HPD: variants seen among roughly 807,000 people sequenced by gnomAD.
HPD encodes the protein 4-hydroxyphenylpyruvate dioxygenase.
Under a neutral mutation model 56.9 loss-of-function variants are expected in HPD, and 35 were observed. The observed-to-expected ratio is 0.62, with a 90% confidence interval of 0.47 to 0.82. The LOEUF (loss-of-function observed/expected upper bound fraction) is 0.82. Ranked by LOEUF, HPD falls within the 40% of genes least tolerant of loss-of-function variation. The probability of loss-of-function intolerance (pLI) is 0.00; values close to 1 mark genes in which losing one functional copy is unlikely to be tolerated. For missense variants in HPD, 442 were observed against 506.8 expected, an observed-to-expected ratio of 0.87 and a Z score of 1.23; for synonymous variants, 186 against 200.2, an observed-to-expected ratio of 0.93 and a Z score of 0.60.
rs1877705055 is a variant in HPD at position 121,849,790 on chromosome 12, A to T, written c.415T>A (p.Tyr139Asn). Residue 139 changes from tyrosine (Y) to asparagine (N), a missense_variant and splice_region_variant, in exon 8 of 14, where the codon TAT (tyrosine) becomes AAT (asparagine). Transcript: ENST00000289004. ...ACCAGGGTGTGTGTGGTGTCCCCAT[A>T]CTACGGGTGGAAAACAGCCTGGCTC... ...GKVKFAVLQTYGDTTHTLVEK... is the reference protein window; with the variant it reads ...GKVKFAVLQTNGDTTHTLVEK... The T allele has an allele frequency of 3.1e-6, 5 of 1,609,452 alleles. 1 individual carries two copies. In the South Asian group the frequency reaches 4.4e-5, roughly 14 times the overall value.
At chr12:121,846,841 G>C in intron 11 of HPD, 21 bp downstream of exon 11, 8 of 1,612,278 alleles carry the variant, frequency 5.0e-6, no homozygotes, top group Non-Finnish European at 5.9e-6. Context: ...GAGGAATTCG[G>C]ACAGGGAAGG....
the HPD span, among the ~76,000 whole-genome samples, chr12:121,885,047 C>T: frequency 1.3e-5 from 2 of 152,094 alleles, no homozygotes; most frequent in Middle Eastern, 3.4e-3. Flanking sequence ...CCTGCCACCA[C>T]GCCCAGCTGA....
the HPD span, among the ~76,000 whole-genome samples, chr12:121,870,847 C>G: frequency 6.6e-6 from 1 of 151,894 alleles, no homozygotes; most frequent in African/African-American, 2.4e-5. Flanking sequence ...CCGCCCGCCT[C>G]GGTCTCCCAA....
At chr12:121,856,253 AG>A in intron 6 of HPD, 70 bp downstream of exon 6, 2 of 1,173,118 alleles carry the variant, frequency 1.7e-6, no homozygotes, top group Non-Finnish European at 2.6e-6. Flanking sequence ...GTGTCCTTCC[AG>A]CCCTGACTGA....
At chr12:121,862,975 C>T (rs1311219141), upstream of HPD, among the ~76,000 whole-genome samples, 4 of 150,404 alleles carry the variant, frequency 2.7e-5, no homozygotes, top group East Asian at 3.9e-4. Flanking sequence ...CCACCGCGCC[C>T]GGCACCCCCC....
Position 121,839,791 on chromosome 12 carries a change from C to T in HPD, c.1119G>A (p.Glu373=). 2 of 1,614,228 alleles carry T rather than the reference C, an allele frequency of 1.2e-6. No individual in the cohort carries two copies. Among genetic ancestry groups the T allele is most frequent in the Middle Eastern group, 3.3e-4 (2 of 6,062 alleles). ...TGAGGTTACCCCGCAGGTTCTGCTCCTCCTCGAAAGCCTTGAACAGTGAGT... is the reference window on the plus strand; with the variant it reads ...TGAGGTTACCCCGCAGGTTCTGCTCTTCCTCGAAAGCCTTGAACAGTGAGT... ...NFNSLFKAFE[E]EQNLRGNLTN... is the part of the protein sequence containing the mutation. Residue 373 remains glutamate (E), a synonymous_variant, in exon 14 of 14, where the codon GAG becomes GAA. Transcript: ENST00000289004.
the HPD span, among the ~76,000 whole-genome samples, chr12:121,884,176 T>C: frequency 1.3e-5 from 2 of 150,522 alleles, no homozygotes; most frequent in Admixed American, 1.3e-4. Flanking sequence ...CCTCTCTTTT[T>C]TTTTTTTTTT....
At chr12:121,866,427 T>TA (rs55805380), upstream of HPD, among the ~76,000 whole-genome samples, 7,953 of 148,044 alleles carry the variant, frequency 0.054, 674 homozygotes, top group African/African-American at 0.18. Context: ...ACCATTTGTG[T>TA]AAAAAAAAAA....
upstream of HPD, among the ~76,000 whole-genome samples, chr12:121,865,403 G>A (rs995088687): frequency 2.6e-5 from 4 of 151,328 alleles, no homozygotes; most frequent in Admixed American, 2.6e-4. Flanking sequence ...CCAAGTAACT[G>A]GGATTATGGG....
upstream of HPD, among the ~76,000 whole-genome samples, chr12:121,863,960 G>C (rs950107286): frequency 6.6e-6 from 1 of 151,684 alleles, no homozygotes; most frequent in East Asian, 1.9e-4. Context: ...GGGCACGGTG[G>C]CTCATGCCTG....
At chr12:121,859,166 T>A (rs1383603250), upstream of HPD, 1 of 401,928 alleles carries the variant, frequency 2.5e-6, no homozygotes, top group Non-Finnish European at 4.7e-6. Context: ...CCGGCTGGAG[T>A]GCAGTGGCGG....
chr12:121,867,960 G>T (rs1389252689), upstream of HPD, among the ~76,000 whole-genome samples: 1 of 152,168 alleles, frequency 6.6e-6, no homozygotes, highest in Non-Finnish European at 1.5e-5. Context: ...GTGAGCCACA[G>T]TGCCCCGCCC....
At chr12:121,864,430 G>A (rs575228431), upstream of HPD, among the ~76,000 whole-genome samples, 77 of 151,740 alleles carry the variant, frequency 5.1e-4, no homozygotes, top group Non-Finnish European at 7.7e-4. Context: ...GTGCATGCCC[G>A]TAGTCCCAGC....
At chr12:121,852,201 G>A (rs1001322140) in intron 7 of HPD, among the ~76,000 whole-genome samples, 34 of 151,718 alleles carry the variant, frequency 2.2e-4, no homozygotes, top group Admixed American at 6.6e-5. Context: ...TAATTTTTTC[G>A]TAGAGATGGG....
At chr12:121,862,452 C>T (rs1878200923), upstream of HPD, among the ~76,000 whole-genome samples, 2 of 151,924 alleles carry the variant, frequency 1.3e-5, no homozygotes, top group Admixed American at 6.6e-5. Context: ...CATGTGCCAC[C>T]ACGCCCAGCT....
In HPD at chr12:121,856,605, T is replaced by G. The variant is rs1878009466; in HGVS notation, c.219A>C (p.Ser73=). Reference sequence around the variant, plus strand: ...CACCTTTGTTCCAGGGGTTGAGCGCTGAGGAGAGGACAAACACAATCTAAG... The same window carrying G: ...CACCTTTGTTCCAGGGGTTGAGCGCGGAGGAGAGGACAAACACAATCTAAG... ...KQGKIVFVLS[S]ALNPWNKEMG... The change falls in exon 5 of 14, where the codon TCA becomes TCC. Residue 73 remains serine, a synonymous_variant. Transcript: ENST00000289004. 1 of 1,614,026 alleles carries G rather than the reference T, an allele frequency of 6.2e-7. No homozygotes were observed. Among genetic ancestry groups the G allele is most frequent in the African/African-American group, 1.3e-5 (1 of 74,998 alleles).
Position 121,841,137 on chromosome 12 carries a change from G to A in HPD, c.955-1089C>T, listed in dbSNP as rs570618391. 6.7e-4 allele frequency among the ~76,000 whole-genome samples: 102 copies of A among 151,816 alleles called. 1 individual carries two copies. Among genetic ancestry groups the A allele is most frequent in the African/African-American group, 2.0e-3 (83 of 41,354 alleles). On this transcript the variant is annotated intron_variant, in intron 12 of 13. Coordinates refer to ENST00000289004, the MANE Select transcript of HPD (RefSeq NM_002150.3). ...GAATCGCTTGAACCCGGGAAGTGGA[G>A]GTTGCAGTGAGCCAAGATCGGCCAC...
intron 8 of HPD, 80 bp from the exon 9 acceptor site, chr12:121,849,156 A>AATG: frequency 1.2e-6 from 1 of 830,822 alleles, no homozygotes; most frequent in Non-Finnish European, 2.1e-6. Flanking sequence ...CAATAATAAT[A>AATG]ATAGCTCACA....
intron 11 of HPD, among the ~76,000 whole-genome samples, chr12:121,845,092 A>C (rs2137613168): frequency 6.7e-6 from 1 of 148,440 alleles, no homozygotes; most frequent in East Asian, 1.9e-4. Context: ...TCAAAAAAGA[A>C]GGATATATAT....
Sources: allele counts gnomAD v4.1 joint callset (sites outside exome capture counted in the v4.1 genomes callset), GRCh38; gene constraint gnomAD v4.1.1; transcripts MANE v1.5; gene names NCBI Gene and HGNC (gene_info 2026-07-23, HGNC 2026-07-21).